GALNT1: variants seen among roughly 807,000 people sequenced by gnomAD.
The protein encoded by GALNT1 is polypeptide N-acetylgalactosaminyltransferase 1.
A neutral mutation model predicts 65.7 loss-of-function variants in GALNT1; 17 were observed. The observed-to-expected ratio is 0.26, with a 90% CI of 0.18 to 0.39. The LOEUF is 0.39. Among genes scored for constraint, GALNT1 ranks in the 10% least tolerant of loss-of-function variants. The probability of loss-of-function intolerance (pLI) is 1.00; values close to 1 mark genes in which losing one functional copy is unlikely to be tolerated. For missense variants in GALNT1, 460 were observed against 672.8 expected, an observed-to-expected ratio of 0.68 and a Z score of 3.50; for synonymous variants, 210 against 219.7, an observed-to-expected ratio of 0.96 and a Z score of 0.39.
Position 35,677,706 on chromosome 18 carries a change from C to T in GALNT1, c.430C>T (p.Pro144Ser), listed in dbSNP as rs764923250. The T allele has an allele frequency of 1.2e-6, 2 of 1,612,320 alleles. No homozygotes were observed. Among genetic ancestry groups the T allele is most frequent in the East Asian group, 2.2e-5 (1 of 44,822 alleles). Residue 144 changes from proline to serine, a missense_variant, in exon 4 of 12, where the codon CCA becomes TCA. By Grantham distance (74) the Pro-to-Ser change is moderately conservative (BLOSUM62 -1). Transcript: ENST00000269195. ...RTVHSVINRS[P>S]RHMIEEIVLV... ...TGTCCATAGTGTCATTAATCGCTCACCAAGACACATGATAGAAGAAATTGT... is the reference window on the plus strand; with the variant it reads ...TGTCCATAGTGTCATTAATCGCTCATCAAGACACATGATAGAAGAAATTGT...
At chr18:35,608,882 T>C (rs582869) in intron 1 of GALNT1, among the ~76,000 whole-genome samples, 55,264 of 151,936 alleles carry the variant, frequency 0.36, 10,599 homozygotes, top group Middle Eastern at 0.53. Flanking sequence ...CTAGCCATCA[T>C]AGGGGCACTG....
intron 3 of GALNT1, among the ~76,000 whole-genome samples, chr18:35,670,303 GA>G (rs1321746480): frequency 6.0e-5 from 9 of 150,976 alleles, no homozygotes; most frequent in Non-Finnish European, 1.0e-4. Context: ...CAAAAAAAAA[GA>G]AAAAAAATAT....
intron 9 of GALNT1, 104 bp from the exon 10 acceptor site, chr18:35,702,793 G>A (rs1213189835): frequency 3.0e-6 from 2 of 666,862 alleles, no homozygotes; most frequent in African/African-American, 3.7e-5. Flanking sequence ...TTCAGAGTAG[G>A]GCCAGGGAAA....
chr18:35,610,329 C>T (rs1403254605), intron 1 of GALNT1, among the ~76,000 whole-genome samples: 1 of 152,176 alleles, frequency 6.6e-6, no homozygotes, highest in Non-Finnish European at 1.5e-5. Context: ...TCCTGATCAC[C>T]TAGGATAAAG....
At chr18:35,652,228 A>C (rs1455098280) in intron 1 of GALNT1, among the ~76,000 whole-genome samples, 1 of 152,180 alleles carries the variant, frequency 6.6e-6, no homozygotes, top group African/African-American at 2.4e-5. Flanking sequence ...GGGAACAGTA[A>C]TAGAAACCCC....
At chr18:35,645,434 C>T (rs373435696) in intron 1 of GALNT1, among the ~76,000 whole-genome samples, 45 of 151,972 alleles carry the variant, frequency 3.0e-4, no homozygotes, top group South Asian at 2.5e-3. Flanking sequence ...GGGGTTTCAC[C>T]GTGTTAGCCA....
At chr18:35,680,426 T>C (rs2047769573) in intron 4 of GALNT1, among the ~76,000 whole-genome samples, 1 of 152,218 alleles carries the variant, frequency 6.6e-6, no homozygotes, top group African/African-American at 2.4e-5. Flanking sequence ...GTTTAATAGA[T>C]ACCTTCCCCC....
intron 6 of GALNT1, 127 bp from the exon 7 acceptor site, chr18:35,689,046 T>A: frequency 1.4e-6 from 1 of 699,552 alleles, no homozygotes; most frequent in Admixed American, 2.3e-5. Flanking sequence ...CGTATGAAAG[T>A]TTATGAAGAG....
chr18:35,683,282 A>C (rs1316359401), intron 4 of GALNT1, 109 bp from the exon 5 acceptor site: 1 of 802,162 alleles, frequency 1.2e-6, no homozygotes, highest in African/African-American at 1.7e-5. Flanking sequence ...AGCCTCACTG[A>C]GAGTGTTCAG....
chr18:35,624,003 C>A (rs2046887154), intron 1 of GALNT1, among the ~76,000 whole-genome samples: 1 of 152,118 alleles, frequency 6.6e-6, no homozygotes, highest in South Asian at 2.1e-4. Flanking sequence ...ACCCTCAATT[C>A]TCTCTTCTCT....
chr18:35,697,430 T>C (rs992335178), intron 9 of GALNT1, among the ~76,000 whole-genome samples: 1 of 152,250 alleles, frequency 6.6e-6, no homozygotes, highest in Non-Finnish European at 1.5e-5. Context: ...CATCCATCTG[T>C]ACCACCATTC....
intron 1 of GALNT1, among the ~76,000 whole-genome samples, chr18:35,612,902 C>T (rs1186235367): frequency 2.0e-5 from 3 of 151,496 alleles, no homozygotes; most frequent in African/African-American, 7.3e-5. Context: ...CTCCATCATA[C>T]CTCACACCAG....
rs147954810 is a variant in GALNT1, at chr18:35,610,405, T to G, written c.-104+28543T>G. 3.8e-3 allele frequency among the ~76,000 whole-genome samples: 574 copies of G among 152,352 alleles called. 2 individuals are homozygous for G. The highest frequency in any genetic ancestry group is 5.8e-3 in the Non-Finnish European group (394 of 68,032). The stretch of plus-strand genomic sequence containing the variant: ...TGTTTGTTTATGGAGCGTTCCTTAC[T>G]GGCTGTCACTTTTTGTTTATTGTCT... On this transcript the variant is annotated intron_variant, in intron 1 of 11. Coordinates refer to ENST00000269195, the MANE Select transcript of GALNT1 (RefSeq NM_020474.4).
chr18:35,618,224 A>C (rs2046809445), intron 1 of GALNT1, among the ~76,000 whole-genome samples: 1 of 152,162 alleles, frequency 6.6e-6, no homozygotes, highest in Admixed American at 6.6e-5. Flanking sequence ...ATTTACATTA[A>C]ATGTAGTCTA....
chr18:35,613,119 GT>G (rs1403706062), intron 1 of GALNT1, among the ~76,000 whole-genome samples: 2 of 152,042 alleles, frequency 1.3e-5, no homozygotes, highest in African/African-American at 4.8e-5. Flanking sequence ...CTATAATCTA[GT>G]TTACTTATGT....
chr18:35,614,709 A>G (rs2046761149), intron 1 of GALNT1, among the ~76,000 whole-genome samples: 1 of 152,174 alleles, frequency 6.6e-6, no homozygotes, highest in South Asian at 2.1e-4. Context: ...AGTTGCGAAT[A>G]TATGATTGAT....
chr18:35,594,200 AGAG>A (rs1305317833), intron 1 of GALNT1, among the ~76,000 whole-genome samples: 1 of 152,120 alleles, frequency 6.6e-6, no homozygotes, highest in Admixed American at 6.5e-5. Flanking sequence ...GTGAAAGAGA[AGAG>A]GAGTTATTTG....
intron 1 of GALNT1, among the ~76,000 whole-genome samples, chr18:35,650,533 C>T (rs570961648): frequency 4.2e-4 from 64 of 152,256 alleles, no homozygotes; most frequent in African/African-American, 1.3e-3. Context: ...GGGAGTGCTA[C>T]GGGAGACCGG....
At chr18:35,688,728 C>T (rs2047908707) in intron 6 of GALNT1, among the ~76,000 whole-genome samples, 1 of 152,190 alleles carries the variant, frequency 6.6e-6, no homozygotes, top group African/African-American at 2.4e-5. Context: ...TAGAACATGG[C>T]ATGGTAACTC....
Sources: gnomAD v4.1 joint callset for allele counts (sites outside exome capture counted in the v4.1 genomes callset) on GRCh38, gnomAD v4.1.1 for gene constraint, MANE v1.5 for transcripts, NCBI Gene and HGNC (gene_info 2026-07-23, HGNC 2026-07-21) for gene names.